Variants in FHOD3 observed in about 807,000 individuals in gnomAD.
FHOD3 encodes the protein formin homology 2 domain containing 3.
In FHOD3, 90 loss-of-function variants were observed where a neutral mutation model predicts 173.0. The observed-to-expected ratio is 0.52, with a 90% CI of 0.44 to 0.62. The LOEUF is 0.62. Ranked by LOEUF, FHOD3 falls within the 20% of genes least tolerant of loss-of-function variation. FHOD3 has a pLI of 0.00. For synonymous variants in FHOD3, 828 were observed against 823.0 expected (o/e 1.01, Z -0.10); for missense variants, 1,945 against 2,034.7 (o/e 0.96, Z 0.85).
chr18:36,732,591 G>A (rs113449416), intron 20 of FHOD3, among the ~76,000 whole-genome samples: 2,333 of 152,264 alleles, frequency 0.015, 50 homozygotes, highest in African/African-American at 0.053. Context: ...TGGACTTAGG[G>A]CCCACTCGAA....
intron 8 of FHOD3, among the ~76,000 whole-genome samples, chr18:36,611,360 T>A (rs11081958): frequency 6.6e-6 from 1 of 152,154 alleles, no homozygotes; most frequent in African/African-American, 2.4e-5. Flanking sequence ...TAGTAGGTCC[T>A]CTGCCCAGGG....
At chr18:36,734,459 G>A (rs186751769) in intron 20 of FHOD3, among the ~76,000 whole-genome samples, 1 of 152,140 alleles carries the variant, frequency 6.6e-6, no homozygotes, top group East Asian at 1.9e-4. Flanking sequence ...GAGAGCCCCT[G>A]ATCTAAAGGC....
chr18:36,379,237 G>T (rs1216998826), intron 3 of FHOD3, among the ~76,000 whole-genome samples: 3 of 152,208 alleles, frequency 2.0e-5, no homozygotes, highest in African/African-American at 2.4e-5. Flanking sequence ...TGGAAGCTCA[G>T]GTCAGCTCTG....
chr18:36,361,064 A>AT (rs902349366), intron 2 of FHOD3, among the ~76,000 whole-genome samples: 56 of 150,376 alleles, frequency 3.7e-4, no homozygotes, highest in Non-Finnish European at 6.8e-4. Context: ...ACGTTCCCTG[A>AT]TTTTTTTTTT....
At chr18:36,737,076 C>G (rs565272229) in intron 20 of FHOD3, among the ~76,000 whole-genome samples, 1 of 152,308 alleles carries the variant, frequency 6.6e-6, no homozygotes, top group Non-Finnish European at 1.5e-5. Flanking sequence ...TAGGAGGTGG[C>G]TTTAACCTGC....
chr18:36,402,633 C>T (rs879272057), intron 3 of FHOD3, among the ~76,000 whole-genome samples: 4 of 151,802 alleles, frequency 2.6e-5, no homozygotes, highest in East Asian at 1.9e-4. Flanking sequence ...CATTTTTCCA[C>T]GACTTTAGTC....
At chr18:36,382,773 C>T (rs1323963559) in intron 3 of FHOD3, among the ~76,000 whole-genome samples, 2 of 145,082 alleles carry the variant, frequency 1.4e-5, no homozygotes, top group Admixed American at 7.0e-5. Context: ...GAGACGGGTC[C>T]TGTCTAGGAA....
At position 36,421,350 on chromosome 18, in the gene FHOD3, G is replaced by A. The variant is rs140460479; in HGVS notation, c.337+48606G>A. On this transcript the variant is annotated intron_variant, in intron 3 of 28. Coordinates refer to ENST00000590592, the MANE Select transcript of FHOD3 (RefSeq NM_001281740.3). Reference sequence around the variant, plus strand: ...ATTCATTCAAGCAGTCACCAATGAGGCATCTGGATAGCTTCTTTTGTAAGA... The same window carrying A: ...ATTCATTCAAGCAGTCACCAATGAGACATCTGGATAGCTTCTTTTGTAAGA... Among the ~76,000 whole-genome samples the A allele has an allele frequency of 2.9e-3, 440 of 152,242 alleles. 2 individuals are homozygous for A. Among genetic ancestry groups the A allele is most frequent in the African/African-American group, 0.01 (420 of 41,546 alleles).
intron 3 of FHOD3, among the ~76,000 whole-genome samples, chr18:36,431,428 G>A (rs879701321): frequency 9.9e-5 from 15 of 152,230 alleles, no homozygotes; most frequent in Admixed American, 9.8e-4. Flanking sequence ...GGGTGTGCAA[G>A]CCTGTTTCCA....
chr18:36,660,006 C>T (rs1359567119), intron 14 of FHOD3, among the ~76,000 whole-genome samples: 1 of 152,102 alleles, frequency 6.6e-6, no homozygotes, highest in Non-Finnish European at 1.5e-5. Flanking sequence ...CGCGGTGGCT[C>T]ACACCTGTAA....
intron 3 of FHOD3, among the ~76,000 whole-genome samples, chr18:36,427,870 A>AT (rs1460239751): frequency 1.3e-5 from 2 of 152,220 alleles, no homozygotes; most frequent in East Asian, 1.9e-4. Context: ...CACTGGATGT[A>AT]TTTTTTATTC....
At chr18:36,571,589 A>G (rs779459409) in intron 5 of FHOD3, among the ~76,000 whole-genome samples, 5 of 152,232 alleles carry the variant, frequency 3.3e-5, no homozygotes, top group African/African-American at 4.8e-5. Flanking sequence ...AAGAACGAAT[A>G]GGAAGAATCA....
In FHOD3 at chr18:36,652,552, TC is replaced by T; in HGVS notation, c.1287-15del. The T allele has an allele frequency of 6.6e-7, 1 of 1,514,802 alleles. No homozygotes were observed. The highest frequency in any genetic ancestry group is 8.8e-7 in the Non-Finnish European group (1 of 1,134,170). The allele number at this position is 1,514,802 out of a possible 1,614,324, so 93.8% of individuals were successfully genotyped here. A position where few individuals can be genotyped will look rare whatever the true frequency, so the allele number is the denominator to read the frequency against. On this transcript the variant is annotated splice_polypyrimidine_tract_variant and intron_variant, in intron 11 of 28. Transcript: ENST00000590592. ...AATCTTTTTTTCTTCTTCCTCCTCC[TC>T]CCTGCTGGCCCAACAGCAAGGTCGG... is the stretch of plus-strand genomic sequence containing the variant.
chr18:36,355,836 T>C (rs1328335037), intron 2 of FHOD3, among the ~76,000 whole-genome samples, 191 bp downstream of exon 2: 3 of 152,268 alleles, frequency 2.0e-5, no homozygotes, highest in Non-Finnish European at 4.4e-5. Flanking sequence ...GTAACTTTTC[T>C]TGATGGGTGC....
chr18:36,493,513 T>TTGC (rs1319021442), intron 3 of FHOD3, among the ~76,000 whole-genome samples: 6 of 152,140 alleles, frequency 3.9e-5, no homozygotes, highest in Non-Finnish European at 7.3e-5. Flanking sequence ...GTAACTTGGG[T>TTGC]TGCGTGCTTC....
intron 3 of FHOD3, among the ~76,000 whole-genome samples, chr18:36,400,493 T>A (rs1004235063): frequency 2.6e-5 from 4 of 152,134 alleles, no homozygotes; most frequent in African/African-American, 7.2e-5. Flanking sequence ...ATTACCTAGT[T>A]AGAAATGCAG....
intron 14 of FHOD3, among the ~76,000 whole-genome samples, chr18:36,665,380 C>T (rs911813465): frequency 3.3e-5 from 5 of 152,182 alleles, no homozygotes; most frequent in Non-Finnish European, 4.4e-5. Context: ...ATGAGCAAAT[C>T]ATCTGCAAAT....
intron 3 of FHOD3, among the ~76,000 whole-genome samples, chr18:36,373,262 T>C (rs183220235): frequency 2.0e-5 from 3 of 152,282 alleles, no homozygotes; most frequent in African/African-American, 4.8e-5. Flanking sequence ...CTCCTGGTAA[T>C]GGGCCAAGTT....
chr18:36,527,397 A>G (rs189923761), intron 5 of FHOD3, among the ~76,000 whole-genome samples: 1 of 152,336 alleles, frequency 6.6e-6, no homozygotes, highest in East Asian at 1.9e-4. Context: ...GTATCATGAG[A>G]GATAGTAGCA....
Sources: gnomAD v4.1 joint callset for allele counts (sites outside exome capture counted in the v4.1 genomes callset) on GRCh38, gnomAD v4.1.1 for gene constraint, MANE v1.5 for transcripts, NCBI Gene and HGNC (gene_info 2026-07-23, HGNC 2026-07-21) for gene names.